DEF8: variants seen among roughly 807,000 people sequenced by gnomAD.
The protein encoded by DEF8 is DEF-8.
DEF8 carries 38 observed loss-of-function variants against 59.1 expected under a neutral mutation model. That is an observed-to-expected ratio of 0.64 (90% CI 0.50 to 0.84). The LOEUF (loss-of-function observed/expected upper bound fraction) is 0.84. DEF8 is among the 40% of genes least tolerant of loss of function. DEF8 has a pLI of 0.00. For synonymous variants in DEF8, 265 were observed against 250.1 expected (o/e 1.06, Z -0.56); for missense variants, 557 against 615.2 (o/e 0.91, Z 1.00).
At position 89,948,821 on chromosome 16, in the gene DEF8, G is replaced by C. The variant is rs1444829861; in HGVS notation, c.-108+7G>C. 2 of 979,502 alleles carry C rather than the reference G, an allele frequency of 2.0e-6. No individual in the cohort carries two copies. Among genetic ancestry groups the C allele is most frequent in the Admixed American group, 6.4e-5 (1 of 15,584 alleles). 60.7% of individuals were successfully genotyped at this position (979,502 alleles called of 1,614,324 possible). On this transcript the variant is annotated splice_region_variant and intron_variant, in intron 1 of 12. Transcript: ENST00000563594. Reference sequence around the variant, plus strand: ...GATGCGAGGCGGCGGTCAGGTGAGCGGCGCGGGGCCGGCGGGGTCGGGGCC... The same window carrying C: ...GATGCGAGGCGGCGGTCAGGTGAGCCGCGCGGGGCCGGCGGGGTCGGGGCC...
At chr16:89,950,779 A>C (rs2031889022) in intron 2 of DEF8, among the ~76,000 whole-genome samples, 1 of 148,256 alleles carries the variant, frequency 6.7e-6, no homozygotes, top group Admixed American at 6.8e-5. Flanking sequence ...CAGGAGTTTG[A>C]GACCAGCCTG....
rs371030979 is a variant in DEF8 at position 89,952,071 on chromosome 16, G to A, written c.-10-2172G>A. 7.9e-5 allele frequency among the ~76,000 whole-genome samples: 12 copies of A among 152,182 alleles called. 1 individual carries two copies. Among genetic ancestry groups the A allele is most frequent in the Admixed American group, 7.2e-4 (11 of 15,292 alleles). ...TTTTTGTATTTCTAGTAGAGACAGG[G>A]TTTCAATGTGTTAGCCAGGATGGTT... is the stretch of plus-strand genomic sequence containing the variant. On this transcript the variant is annotated intron_variant, in intron 2 of 12. Transcript: ENST00000563594.
At chr16:89,951,402 G>T (rs1449354438) in intron 2 of DEF8, among the ~76,000 whole-genome samples, 1 of 151,886 alleles carries the variant, frequency 6.6e-6, no homozygotes. Context: ...CCACCACCAC[G>T]CCCGGCTAAT....
chr16:89,961,157 C>A (rs1046836247), intron 7 of DEF8, 62 bp downstream of exon 7: 23 of 1,573,458 alleles, frequency 1.5e-5, no homozygotes, highest in Non-Finnish European at 1.7e-5. Context: ...GCCGGGTGCA[C>A]AGGTGTGTAA....
chr16:89,950,968 A>C (rs1045244267), intron 2 of DEF8, among the ~76,000 whole-genome samples: 1 of 152,200 alleles, frequency 6.6e-6, no homozygotes, highest in Non-Finnish European at 1.5e-5. Flanking sequence ...GTGACAGAGC[A>C]ACACCCTGTC....
chr16:89,949,357 C>A, intron 1 of DEF8, 60 bp from the exon 2 acceptor site: 5 of 1,390,188 alleles, frequency 3.6e-6, no homozygotes, highest in Non-Finnish European at 2.9e-6. Flanking sequence ...GGAGACCGGG[C>A]GAGCTCCCGC....
chr16:89,961,686 G>T, intron 7 of DEF8, 51 bp from the exon 8 acceptor site: 1 of 1,606,322 alleles, frequency 6.2e-7, no homozygotes, highest in Non-Finnish European at 8.5e-7. Flanking sequence ...CTGGAAAGCT[G>T]TGTGGGGTTT....
chr16:89,964,242 G>T lies in DEF8; in HGVS notation c.1075G>T (p.Gly359Cys), dbSNP rs146694377. 1 of 1,549,884 alleles carries T rather than the reference G, an allele frequency of 6.5e-7. No homozygotes were observed. Among genetic ancestry groups the T allele is most frequent in the East Asian group, 2.3e-5 (1 of 43,024 alleles). The change falls in exon 11 of 13, where the codon GGC becomes TGC. Residue 359 changes from glycine (G) to cysteine (C), a missense_variant. Transcript: ENST00000563594. ...CCAGGACCTCCTGGACGTGCATGCC[G>T]GCCGCCTGGGCTGCTCGCTCACCGA... The part of the protein sequence containing the change: ...SVQDLLDVHA[G>C]RLGCSLTEIH...
intron 12 of DEF8, among the ~76,000 whole-genome samples, chr16:89,965,583 G>A (rs191517474): frequency 3.3e-5 from 5 of 152,318 alleles, no homozygotes; most frequent in Non-Finnish European, 7.4e-5. Context: ...TCTGAGTCGA[G>A]TCTGGCGTGG....
chr16:89,963,640 C>G (rs540337348), intron 10 of DEF8, among the ~76,000 whole-genome samples, 197 bp downstream of exon 10: 2 of 152,142 alleles, frequency 1.3e-5, no homozygotes, highest in African/African-American at 2.4e-5. Flanking sequence ...TTTGGCAAAC[C>G]CTGCAGCCCT....
At position 89,962,016 on chromosome 16, in the gene DEF8, C is replaced by T; in HGVS notation, c.812C>T (p.Ser271Phe). 3 of 1,613,998 alleles carry T rather than the reference C, an allele frequency of 1.9e-6. No individual in the cohort carries two copies. The highest frequency in any genetic ancestry group is 1.1e-5 in the South Asian group (1 of 91,084). Residue 271 changes from serine to phenylalanine, a missense_variant, in exon 9 of 13, where the codon TCT (serine) becomes TTT (phenylalanine). Physicochemically the swap from Ser to Phe is radical, Grantham distance 155. Coordinates refer to ENST00000563594, the MANE Select transcript of DEF8 (RefSeq NM_001242818.2). Reference protein sequence around the residue: ...HNWDFEPRKVSRCSMRYLALM... With the variant: ...HNWDFEPRKVFRCSMRYLALM... ...TCACCCGGCCGTGCCTGGCAGGTTT[C>T]TCGCTGCAGCATGCGCTACCTGGCG...
At chr16:89,961,672 G>A in intron 7 of DEF8, 65 bp from the exon 8 acceptor site, 1 of 1,597,602 alleles carries the variant, frequency 6.3e-7, no homozygotes, top group African/African-American at 1.3e-5. Context: ...GACAGACCAT[G>A]AGGCTGGAAA....
Position 89,964,266 on chromosome 16 carries a change from G to A in DEF8, c.1099G>A (p.Glu367Lys), listed in dbSNP as rs771213176. The change falls in exon 11 of 13, where the codon GAG (glutamate) becomes AAG (lysine). Residue 367 changes from glutamate to lysine, a missense_variant. By Grantham distance (56) the Glu-to-Lys change is moderately conservative. Coordinates refer to ENST00000563594, the MANE Select transcript of DEF8 (RefSeq NM_001242818.2). ...HAGRLGCSLTEIHTLFAKHIK... is the reference protein window; with the variant it reads ...HAGRLGCSLTKIHTLFAKHIK... ...CGGCCGCCTGGGCTGCTCGCTCACCGAGATCCACACGCTCTTCGCCAAGCA... is the reference window on the plus strand; with the variant it reads ...CGGCCGCCTGGGCTGCTCGCTCACCAAGATCCACACGCTCTTCGCCAAGCA... 7 of 1,608,306 alleles carry A rather than the reference G, an allele frequency of 4.4e-6. No homozygotes were observed. The highest frequency in any genetic ancestry group is 2.7e-5 in the African/African-American group (2 of 74,850).
rs2034274671 is a variant in DEF8, at chr16:89,963,345, C to T, written c.922-18C>T. On this transcript the variant is annotated intron_variant, in intron 9 of 12. Coordinates refer to ENST00000563594, the MANE Select transcript of DEF8 (RefSeq NM_001242818.2). The stretch of plus-strand genomic sequence containing the variant: ...TGTCCTGGCTGAGGAGGCCTGCCTG[C>T]TCCCGCCTTGTTTGCAGAAGCTGCG... 1.2e-6 allele frequency: 2 copies of T among 1,611,760 alleles called. No individual in the cohort carries two copies. The highest frequency in any genetic ancestry group is 1.7e-6 in the Non-Finnish European group (2 of 1,178,714).
At chr16:89,953,102 C>T (rs1444378153) in intron 2 of DEF8, among the ~76,000 whole-genome samples, 1 of 152,164 alleles carries the variant, frequency 6.6e-6, no homozygotes, top group Non-Finnish European at 1.5e-5. Flanking sequence ...GTAGTGAAAG[C>T]ATAACTAACA....
intron 6 of DEF8, 33 bp from the exon 7 acceptor site, chr16:89,960,898 C>A: frequency 6.2e-7 from 1 of 1,600,508 alleles, no homozygotes; most frequent in Non-Finnish European, 8.5e-7. Flanking sequence ...GCACCCTTCC[C>A]GCTTTTGAGA....
intron 4 of DEF8, among the ~76,000 whole-genome samples, chr16:89,957,075 T>C (rs1597487596): frequency 2.0e-5 from 3 of 152,208 alleles, no homozygotes; most frequent in Admixed American, 1.3e-4. Context: ...CCAGAAGTGC[T>C]GGGGCTGGCT....
intron 2 of DEF8, 38 bp downstream of exon 2, chr16:89,949,551 G>C: frequency 6.2e-7 from 1 of 1,613,444 alleles, no homozygotes; most frequent in South Asian, 1.1e-5. Context: ...CCGCACACCG[G>C]GGTGACTTCT....
chr16:89,959,193 A>G (rs2033684633), intron 6 of DEF8, 38 bp downstream of exon 6: 1 of 1,613,184 alleles, frequency 6.2e-7, no homozygotes, highest in African/African-American at 1.3e-5. Context: ...GGAATGAGAG[A>G]GACCAAAGTT....
Sources: gnomAD v4.1 joint callset for allele counts (sites outside exome capture counted in the v4.1 genomes callset) on GRCh38, gnomAD v4.1.1 for gene constraint, MANE v1.5 for transcripts, NCBI Gene and HGNC (gene_info 2026-07-23, HGNC 2026-07-21) for gene names.